Variants in ERG observed in about 807,000 individuals in gnomAD.
The protein encoded by ERG is transcriptional regulator ERG.
In ERG, 9 loss-of-function variants were observed where a neutral mutation model predicts 55.3. That is an observed-to-expected ratio of 0.16 (90% CI 0.10 to 0.28). The LOEUF is 0.28. Among genes scored for constraint, ERG ranks in the 10% least tolerant of loss-of-function variants. The pLI is 1.00. For synonymous variants in ERG, 223 were observed against 237.3 expected (o/e 0.94, Z 0.55); for missense variants, 434 against 631.6 (o/e 0.69, Z 3.35).
intron 1 of ERG, among the ~76,000 whole-genome samples, chr21:38,641,705 T>C (rs907066508): frequency 4.0e-5 from 6 of 151,808 alleles, no homozygotes; most frequent in Admixed American, 2.6e-4. Flanking sequence ...TTAAAAGCCT[T>C]AAAGCTTAAA....
Position 38,383,558 on chromosome 21 carries a change from T to C in ERG, c.1285A>G (p.Asn429Asp), listed in dbSNP as rs1468265299. Residue 429 changes from asparagine (N) to aspartate (D), a missense_variant, in exon 10 of 10, where the codon AAC (asparagine) becomes GAC (aspartate). Physicochemically the swap from Asn to Asp is conservative, Grantham distance 23 (BLOSUM62 1). Transcript: ENST00000288319. The surrounding 1 kb of genome is among the most constrained non-coding windows in gnomAD (Gnocchi z 5.7). ...GCTGGAGGGTGGGGCGCCACAAAGTTCATCTTCTGTGGGTGGGCGTGATAG... is the reference window on the plus strand; with the variant it reads ...GCTGGAGGGTGGGGCGCCACAAAGTCCATCTTCTGTGGGTGGGCGTGATAG... The part of the protein sequence containing the change: ...GSYHAHPQKM[N>D]FVAPHPPALP... 1 of 1,596,302 alleles carries C rather than the reference T, an allele frequency of 6.3e-7. No individual in the cohort carries two copies. Among genetic ancestry groups the C allele is most frequent in the Non-Finnish European group, 8.6e-7 (1 of 1,167,988 alleles).
rs568263780 is a variant in ERG, at chr21:38,627,619, C to A, written c.-150+34039G>T. Reference sequence around the variant, plus strand: ...TATTATAGAAGATGAACATAAAGAACCGTAGAAGCATGCAAGGCTTGATGG... The same window carrying A: ...TATTATAGAAGATGAACATAAAGAAACGTAGAAGCATGCAAGGCTTGATGG... On this transcript the variant is annotated intron_variant, in intron 1 of 10. Coordinates refer to the ERG transcript ENST00000398910. 9.2e-5 allele frequency among the ~76,000 whole-genome samples: 14 copies of A among 152,142 alleles called. No homozygotes were observed. The East Asian group carries it at 2.7e-3, about 29-fold the overall frequency.
intron 1 of ERG, among the ~76,000 whole-genome samples, chr21:38,619,937 C>A (rs1310362686): frequency 6.6e-6 from 1 of 152,252 alleles, no homozygotes; most frequent in Non-Finnish European, 1.5e-5. Flanking sequence ...ACAAAGTCTG[C>A]AGTCTTTGAA....
intron 3 of ERG, among the ~76,000 whole-genome samples, chr21:38,409,961 T>C (rs552737752): frequency 1.3e-5 from 2 of 152,256 alleles, no homozygotes; most frequent in South Asian, 4.1e-4. Flanking sequence ...AATACCCACA[T>C]TGGGATTCTT....
At chr21:38,565,244 G>C (rs1212504043) in intron 2 of ERG, among the ~76,000 whole-genome samples, 1 of 152,022 alleles carries the variant, frequency 6.6e-6, no homozygotes, top group Non-Finnish European at 1.5e-5. Flanking sequence ...CCTCCTAATT[G>C]GTCTTCCCTG....
Position 38,416,881 on chromosome 21 carries a change from C to T in ERG, c.388+6529G>A, listed in dbSNP as rs141113044. Reference sequence around the variant, plus strand: ...AGGACACCGGGTGGTGAAAATGCAGCGCGTGAGTTGGGGATGTGGCAGAGG... The same window carrying T: ...AGGACACCGGGTGGTGAAAATGCAGTGCGTGAGTTGGGGATGTGGCAGAGG... On this transcript the variant is annotated intron_variant, in intron 3 of 9. Transcript: ENST00000288319. Among the ~76,000 whole-genome samples the T allele has an allele frequency of 1.2e-4, 18 of 152,276 alleles. No individual in the cohort carries two copies. In the East Asian group the frequency reaches 2.1e-3, roughly 18 times the overall value.
chr21:38,511,609 C>T (rs186646337), intron 2 of ERG, among the ~76,000 whole-genome samples: 23 of 152,170 alleles, frequency 1.5e-4, no homozygotes, highest in Non-Finnish European at 1.9e-4. Flanking sequence ...GAAAATTCAC[C>T]GTAATACTTT....
At chr21:38,571,099 G>A (rs16996516) in intron 2 of ERG, among the ~76,000 whole-genome samples, 4,724 of 151,848 alleles carry the variant, frequency 0.031, 260 homozygotes, top group African/African-American at 0.11. Context: ...TTTTTTTGTC[G>A]GCTGATGATA....
At chr21:38,596,237 T>C (rs2060130962) in intron 1 of ERG, among the ~76,000 whole-genome samples, 1 of 152,194 alleles carries the variant, frequency 6.6e-6, no homozygotes, top group African/African-American at 2.4e-5. Context: ...ACTAGGTCCA[T>C]TTATTGAGAG....
At chr21:38,598,862 T>G (rs1377534885) in intron 1 of ERG, among the ~76,000 whole-genome samples, 1 of 152,194 alleles carries the variant, frequency 6.6e-6, no homozygotes, top group Non-Finnish European at 1.5e-5. Flanking sequence ...TTAGCTCTTG[T>G]GCACCGGCAC....
At position 38,477,284 on chromosome 21, in the gene ERG, G is replaced by A. The variant is rs143916578; in HGVS notation, c.18+21079C>T. Among the ~76,000 whole-genome samples the A allele has an allele frequency of 2.0e-3, 311 of 152,264 alleles. 2 individuals carry two copies. The highest frequency in any genetic ancestry group is 7.0e-3 in the African/African-American group (290 of 41,556). On this transcript the variant is annotated intron_variant, in intron 1 of 9. Transcript: ENST00000288319. ...CTCCCAAAATGTTGGGATGACAGGC[G>A]TGAGTCACTGCGCCTGGACTTCTTT...
chr21:38,372,057 T>C, the ERG span, among the ~76,000 whole-genome samples: 2 of 152,076 alleles, frequency 1.3e-5, no homozygotes, highest in African/African-American at 2.4e-5. Context: ...TGTTTCTTCT[T>C]GTGTCAGTTT....
Position 38,383,975 on chromosome 21 carries a change from G to A in ERG, c.920-52C>T, listed in dbSNP as rs750676673. 2 of 1,560,924 alleles carry A rather than the reference G, an allele frequency of 1.3e-6. No individual in the cohort carries two copies. The highest frequency in any genetic ancestry group is 1.8e-5 in the Admixed American group (1 of 55,710). On this transcript the variant is annotated intron_variant, in intron 9 of 9. Coordinates refer to ENST00000288319, the MANE Select transcript of ERG (RefSeq NM_182918.4). This position sits in a 1 kb window ranked among gnomAD's most constrained non-coding sequence, Gnocchi z 5.7. The stretch of plus-strand genomic sequence containing the variant: ...ACTCCAGTGAGCACAGGTTCCAGGG[G>A]AAAGAGGCTCTCTGTGATGACGGAA...
intron 1 of ERG, among the ~76,000 whole-genome samples, chr21:38,583,451 C>T (rs900666800): frequency 2.6e-5 from 4 of 152,052 alleles, no homozygotes; most frequent in Admixed American, 1.3e-4. Flanking sequence ...GGAATACCAG[C>T]GGGAGACAGA....
chr21:38,607,121 G>A (rs904390465), intron 1 of ERG, among the ~76,000 whole-genome samples: 5 of 152,118 alleles, frequency 3.3e-5, no homozygotes, highest in African/African-American at 1.2e-4. Context: ...GACGCCAGAA[G>A]GGAATAAAAT....
At chr21:38,565,906 T>C (rs747633535) in intron 2 of ERG, among the ~76,000 whole-genome samples, 14 of 152,260 alleles carry the variant, frequency 9.2e-5, no homozygotes, top group Admixed American at 3.3e-4. Context: ...TAGATTGAAA[T>C]TGGATCCAAA....
At chr21:38,574,276 G>C (rs1366299728) in intron 2 of ERG, among the ~76,000 whole-genome samples, 1 of 152,156 alleles carries the variant, frequency 6.6e-6, no homozygotes, top group Non-Finnish European at 1.5e-5. Context: ...TATGTTCCCA[G>C]CACTTCCGAA....
At chr21:38,563,141 C>T (rs2059902913) in intron 2 of ERG, among the ~76,000 whole-genome samples, 1 of 152,170 alleles carries the variant, frequency 6.6e-6, no homozygotes, top group African/African-American at 2.4e-5. Flanking sequence ...TGAACAGACA[C>T]AGCTCAGTGA....
At chr21:38,442,988 T>C (rs1051523103) in intron 2 of ERG, among the ~76,000 whole-genome samples, 107 of 152,200 alleles carry the variant, frequency 7.0e-4, no homozygotes, top group Admixed American at 1.3e-3. Context: ...TTTGTATTTT[T>C]AGTAGAGACA....
Sources: allele counts gnomAD v4.1 joint callset (sites outside exome capture counted in the v4.1 genomes callset), GRCh38; gene constraint gnomAD v4.1.1; non-coding constraint Gnocchi (gnomAD v3.1); transcripts MANE v1.5; gene names NCBI Gene and HGNC (gene_info 2026-07-23, HGNC 2026-07-21).